RABGAP1: variants seen among roughly 807,000 people sequenced by gnomAD.
RABGAP1 encodes the protein rab GTPase-activating protein 1.
In RABGAP1, 23 loss-of-function variants were observed where a neutral mutation model predicts 137.6. The ratio of observed to expected loss-of-function variants is 0.17; its 90% confidence interval spans 0.12 to 0.24. The LOEUF (loss-of-function observed/expected upper bound fraction) is 0.24. Among genes scored for constraint, RABGAP1 ranks in the 10% least tolerant of loss-of-function variants. The pLI is 1.00. For synonymous variants in RABGAP1, 451 were observed against 450.7 expected, an observed-to-expected ratio of 1.00 and a Z score of -0.01; for missense variants, 906 against 1,275.8, an observed-to-expected ratio of 0.71 and a Z score of 4.42.
At chr9:122,994,871 C>G (rs1836934377) in intron 6 of RABGAP1, among the ~76,000 whole-genome samples, 1 of 152,128 alleles carries the variant, frequency 6.6e-6, no homozygotes, top group African/African-American at 2.4e-5. Context: ...AATCCCAGCA[C>G]TTGGGGAGGC....
At chr9:122,938,631 T>C (rs1187100880), upstream of RABGAP1, 1 of 152,214 alleles carries the variant, frequency 6.6e-6, no homozygotes, top group Non-Finnish European at 1.5e-5. Context: ...AATATTAGCA[T>C]AACTCTGTAA....
chr9:123,099,436 A>G, intron 23 of RABGAP1, 42 bp from the exon 24 acceptor site: 1 of 1,532,956 alleles, frequency 6.5e-7, no homozygotes, highest in East Asian at 2.3e-5. Flanking sequence ...GCAGATGATT[A>G]CAATTGCTCA....
intron 1 of RABGAP1, 68 bp from the exon 2 acceptor site, chr9:122,956,943 G>T: frequency 1.2e-6 from 1 of 810,076 alleles, no homozygotes; most frequent in East Asian, 3.3e-5. Context: ...TGTTGTGTAA[G>T]AAGTACAGTG....
chr9:123,053,851 C>T (rs1349735630), intron 13 of RABGAP1, among the ~76,000 whole-genome samples: 1 of 152,170 alleles, frequency 6.6e-6, no homozygotes, highest in East Asian at 1.9e-4. Flanking sequence ...TTCTTTTCTT[C>T]CTGCCGTTCT....
intron 13 of RABGAP1, among the ~76,000 whole-genome samples, chr9:123,044,499 GCCT>G (rs2033110716): frequency 6.6e-6 from 1 of 152,064 alleles, no homozygotes; most frequent in African/African-American, 2.4e-5. Flanking sequence ...GTATCACTAC[GCCT>G]CCATAGGTGT....
At position 122,958,930 on chromosome 9, in the gene RABGAP1, G is replaced by A. The variant is rs564592550; in HGVS notation, c.150+1721G>A. Among the ~76,000 whole-genome samples the A allele has an allele frequency of 2.6e-5, 4 of 152,172 alleles. No individual in the cohort carries two copies. The East Asian group carries it at 7.7e-4, about 29-fold the overall frequency. On this transcript the variant is annotated intron_variant, in intron 2 of 25. Transcript: ENST00000373647. ...AGGCTTAAGTGGGAGGATTGATTGA[G>A]GCCAGGAGGTGGAGGCTGCAGTGAA...
intron 17 of RABGAP1, 65 bp downstream of exon 17, chr9:123,074,493 GT>G: frequency 1.4e-6 from 2 of 1,452,132 alleles, no homozygotes; most frequent in Non-Finnish European, 1.9e-6. Flanking sequence ...AACAGATTCT[GT>G]TTTGAGTGTC....
At chr9:122,988,167 T>C (rs1269763105) in intron 4 of RABGAP1, among the ~76,000 whole-genome samples, 1 of 152,220 alleles carries the variant, frequency 6.6e-6, no homozygotes, top group African/African-American at 2.4e-5. Flanking sequence ...TTAATATATT[T>C]TTAATTCTAT....
intron 10 of RABGAP1, among the ~76,000 whole-genome samples, chr9:123,009,920 T>C (rs531856458): frequency 2.0e-5 from 3 of 152,194 alleles, no homozygotes; most frequent in African/African-American, 7.2e-5. Context: ...GTCTTGAAGT[T>C]TATGTTTTAG....
intron 13 of RABGAP1, among the ~76,000 whole-genome samples, chr9:123,025,538 C>CTTTTCTT (rs1178281837): frequency 4.0e-5 from 1 of 24,904 alleles, no homozygotes; most frequent in Non-Finnish European, 1.6e-4. Context: ...TCAGATCTTT[C>CTTTTCTT]TTTTCTTTTT....
chr9:122,951,946 C>G (rs1247302943), intron 1 of RABGAP1, among the ~76,000 whole-genome samples: 1 of 152,204 alleles, frequency 6.6e-6, no homozygotes, highest in Non-Finnish European at 1.5e-5. Context: ...AGAATTGGCA[C>G]TTACGGCACA....
chr9:122,932,331 C>A, the RABGAP1 span, among the ~76,000 whole-genome samples: 98,016 of 152,026 alleles, frequency 0.64, 38,538 homozygotes, highest in Non-Finnish European at 0.88. Context: ...AAGTGATCCA[C>A]CCTCCTCAGC....
intron 13 of RABGAP1, among the ~76,000 whole-genome samples, chr9:123,063,853 T>G (rs1280814518): frequency 6.6e-6 from 1 of 152,248 alleles, no homozygotes; most frequent in Non-Finnish European, 1.5e-5. Flanking sequence ...AAACAGTTTT[T>G]TGAATAGTAA....
Position 123,070,503 on chromosome 9 carries a change from T to C in RABGAP1, c.1983+79T>C. The C allele has an allele frequency of 6.2e-7, 1 of 1,605,024 alleles. No homozygotes were observed. Among genetic ancestry groups the C allele is most frequent in the South Asian group, 1.1e-5 (1 of 89,572 alleles). On this transcript the variant is annotated intron_variant, in intron 15 of 25. Transcript: ENST00000373647. This position sits in a 1 kb window ranked among gnomAD's most constrained non-coding sequence, Gnocchi z 4.4. ...CTAACCTTAGGCTTGAGCATGGTTT[T>C]ATATTGGGTTTGGACAGACTCTTAA...
intron 12 of RABGAP1, among the ~76,000 whole-genome samples, chr9:123,017,289 A>T (rs990551148): frequency 6.6e-6 from 1 of 152,222 alleles, no homozygotes; most frequent in Admixed American, 6.5e-5. Flanking sequence ...CGAACCCATC[A>T]GCATCTTATA....
At chr9:123,054,360 T>G (rs894963531) in intron 13 of RABGAP1, among the ~76,000 whole-genome samples, 2 of 152,212 alleles carry the variant, frequency 1.3e-5, no homozygotes, top group African/African-American at 4.8e-5. Context: ...GTGTGTGAAG[T>G]TGGGTGGCTT....
intron 1 of RABGAP1, among the ~76,000 whole-genome samples, chr9:122,950,377 C>CTTTTTTTTTTTTTTTTTTTTTTTT (rs200424486): frequency 6.4e-4 from 48 of 74,476 alleles, no homozygotes; most frequent in East Asian, 1.1e-3. Context: ...CTTTTTCTTT[C>CTTTTTTTTTTTTTTTTTTTTTTTT]TTTTTTTTTT....
intron 2 of RABGAP1, among the ~76,000 whole-genome samples, chr9:122,970,259 G>A (rs998994793): frequency 3.3e-5 from 5 of 151,898 alleles, no homozygotes; most frequent in Non-Finnish European, 7.4e-5. Flanking sequence ...ATTTATGCTT[G>A]GGACATAAAC....
intron 16 of RABGAP1, 134 bp downstream of exon 16, chr9:123,073,811 C>T: frequency 8.3e-7 from 1 of 1,201,590 alleles, no homozygotes; most frequent in Non-Finnish European, 1.2e-6. Flanking sequence ...CATTTTTATC[C>T]TTTATCACTA....
Sources: gnomAD v4.1 joint callset for allele counts (sites outside exome capture counted in the v4.1 genomes callset) on GRCh38, gnomAD v4.1.1 for gene constraint, Gnocchi (gnomAD v3.1) non-coding constraint, MANE v1.5 for transcripts, NCBI Gene and HGNC (gene_info 2026-07-23, HGNC 2026-07-21) for gene names.